The following SHPRH variants were observed in gnomAD, a reference collection of about 807,000 sequenced individuals.
SHPRH encodes the protein SNF2 histone linker PHD RING helicase.
In SHPRH, 106 loss-of-function variants were observed where a neutral mutation model predicts 202.5. That is an observed-to-expected ratio of 0.52 (90% CI 0.45 to 0.62). The LOEUF is 0.62. Ranked by LOEUF, SHPRH falls within the 20% of genes least tolerant of loss-of-function variation. The probability of loss-of-function intolerance (pLI) is 0.00; values close to 1 mark genes in which losing one functional copy is unlikely to be tolerated. For synonymous variants in SHPRH, 729 were observed against 686.0 expected, an observed-to-expected ratio of 1.06 and a Z score of -0.98; for missense variants, 1,710 against 2,020.0, an observed-to-expected ratio of 0.85 and a Z score of 2.94.
chr6:145,944,400 T>C (rs1370146174), intron 8 of SHPRH, among the ~76,000 whole-genome samples: 3 of 152,024 alleles, frequency 2.0e-5, no homozygotes, highest in African/African-American at 7.2e-5. Context: ...AAAAGTAAAA[T>C]GATGCTATGG....
chr6:145,882,252 C>T (rs768226894), downstream of SHPRH, among the ~76,000 whole-genome samples: 17 of 152,140 alleles, frequency 1.1e-4, no homozygotes, highest in Non-Finnish European at 1.9e-4. Context: ...CTTGAGTCAT[C>T]ATTAACAACT....
intron 25 of SHPRH, chr6:145,910,243 T>C (rs1446856803): frequency 1.9e-6 from 1 of 540,356 alleles, no homozygotes. Context: ...TCGCTAACCA[T>C]GTTTGAATAA....
chr6:145,910,511 G>T lies in SHPRH; in HGVS notation c.4452C>A (p.His1484Gln). The T allele has an allele frequency of 6.2e-7, 1 of 1,613,098 alleles. No individual in the cohort carries two copies. The highest frequency in any genetic ancestry group is 8.5e-7 in the Non-Finnish European group (1 of 1,179,570). Residue 1484 changes from histidine to glutamine, a missense_variant, in exon 25 of 30, where the codon CAC becomes CAA. Transcript: ENST00000275233. ...KCAICRQTTS[H>Q]KEISYVFTSE... ...AGGTAAAGACATACGAGATTTCTTTGTGAGATGTGGTCTGGCGGCAGATTG... is the reference window on the plus strand; with the variant it reads ...AGGTAAAGACATACGAGATTTCTTTTTGAGATGTGGTCTGGCGGCAGATTG...
chr6:145,909,000 A>G (rs58859911), intron 25 of SHPRH: 4 of 152,182 alleles, frequency 2.6e-5, no homozygotes, highest in East Asian at 1.9e-4. Flanking sequence ...CATTTACCCA[A>G]TAGGATCCTT....
At chr6:145,928,174 T>C (rs1164372051) in intron 14 of SHPRH, among the ~76,000 whole-genome samples, 1 of 152,000 alleles carries the variant, frequency 6.6e-6, no homozygotes, top group Non-Finnish European at 1.5e-5. Context: ...GCCAAGCTGA[T>C]AGTTGCGCAG....
At chr6:145,878,517 TG>T (rs1390369951) in intron 2 of SHPRH, among the ~76,000 whole-genome samples, 1 of 152,226 alleles carries the variant, frequency 6.6e-6, no homozygotes, top group Non-Finnish European at 1.5e-5. Flanking sequence ...CTAAAGCTGT[TG>T]ATCATCTTTT....
Position 145,948,293 on chromosome 6 carries a change from T to C in SHPRH, c.1040A>G (p.Tyr347Cys), listed in dbSNP as rs761727189. 27 of 1,602,600 alleles carry C rather than the reference T, an allele frequency of 1.7e-5. 1 individual carries two copies. The highest frequency in any genetic ancestry group is 1.6e-4 in the South Asian group (14 of 88,174). Residue 347 changes from tyrosine (Y) to cysteine (C), a missense_variant, in exon 5 of 30, where the codon TAC (tyrosine) becomes TGC (cysteine). Transcript: ENST00000275233. ...TTACCAGCCTGTATATGGATTATAGTAGAGTTTCAGACCCTCAGATGTAAC... is the reference window on the plus strand; with the variant it reads ...TTACCAGCCTGTATATGGATTATAGCAGAGTTTCAGACCCTCAGATGTAAC... The part of the protein sequence containing the change: ...EIVTSEGLKL[Y>C]YNPYTGCIIR...
At chr6:145,940,638 G>A in intron 11 of SHPRH, 85 bp downstream of exon 11, 1 of 1,331,238 alleles carries the variant, frequency 7.5e-7, no homozygotes, top group Non-Finnish European at 1.1e-6. Flanking sequence ...AGGGACTGCA[G>A]CAAAGGTTAA....
chr6:145,926,385 ACAC>A, intron 15 of SHPRH, 89 bp from the exon 16 acceptor site: 2 of 1,043,552 alleles, frequency 1.9e-6, no homozygotes, highest in East Asian at 2.4e-5. Flanking sequence ...CAGAACACTA[ACAC>A]CACATTAAGA....
At chr6:145,904,084 C>T (rs1415681888) in intron 25 of SHPRH, 1 of 151,962 alleles carries the variant, frequency 6.6e-6, no homozygotes, top group Admixed American at 6.6e-5. Flanking sequence ...TCTCTTATTT[C>T]CAAGAAATAC....
chr6:145,898,671 T>C (rs1197039286), intron 25 of SHPRH, among the ~76,000 whole-genome samples: 1 of 152,044 alleles, frequency 6.6e-6, no homozygotes, highest in Non-Finnish European at 1.5e-5. Flanking sequence ...TGTTATAAGT[T>C]TCCTCCTCCT....
intron 11 of SHPRH, among the ~76,000 whole-genome samples, chr6:145,936,304 A>G (rs1361418963): frequency 6.6e-6 from 1 of 152,030 alleles, no homozygotes; most frequent in Non-Finnish European, 1.5e-5. Context: ...AAGATCTTCA[A>G]ATGAAGACTA....
chr6:145,862,838 G>A (rs1054195840), downstream of SHPRH: 3 of 152,160 alleles, frequency 2.0e-5, no homozygotes, highest in Admixed American at 1.3e-4. Context: ...ATTCTCATAA[G>A]TGTCTTAGAA....
At chr6:145,948,230 T>C (rs1787599770) in intron 5 of SHPRH, 42 bp downstream of exon 5, 1 of 1,420,186 alleles carries the variant, frequency 7.0e-7, no homozygotes, top group Non-Finnish European at 9.6e-7. Context: ...TTTCATTATA[T>C]TTATTTTTTA....
chr6:145,954,560 TAA>T (rs1788303108), intron 2 of SHPRH, 128 bp downstream of exon 2: 1 of 954,324 alleles, frequency 1.0e-6, no homozygotes, highest in Non-Finnish European at 1.5e-6. Context: ...ATTAAAAGCT[TAA>T]AGTGTACTTT....
At chr6:145,891,851 A>C (rs1781594881) in intron 28 of SHPRH, among the ~76,000 whole-genome samples, 2 of 152,192 alleles carry the variant, frequency 1.3e-5, no homozygotes, top group African/African-American at 4.8e-5. Flanking sequence ...ATATGAGACT[A>C]GTCCAGCCTA....
At chr6:145,868,711 A>G (rs1583252589) in intron 2 of SHPRH, among the ~76,000 whole-genome samples, 1 of 152,274 alleles carries the variant, frequency 6.6e-6, no homozygotes, top group Non-Finnish European at 1.5e-5. Context: ...ATTCAATCTG[A>G]AGCTGAAGAA....
intron 22 of SHPRH, chr6:145,918,641 GAAT>G (rs1238374434): frequency 6.5e-6 from 1 of 153,070 alleles, no homozygotes; most frequent in Non-Finnish European, 1.5e-5. Flanking sequence ...CCCCCTGGTA[GAAT>G]ACAGCAGACA....
intron 21 of SHPRH, 39 bp downstream of exon 21, chr6:145,921,128 G>A (rs776111141): frequency 1.3e-6 from 2 of 1,547,690 alleles, no homozygotes; most frequent in Non-Finnish European, 1.8e-6. Context: ...TAAAAAAGAA[G>A]AATTTTTAAT....
Sources: allele counts gnomAD v4.1 joint callset (sites outside exome capture counted in the v4.1 genomes callset), GRCh38; gene constraint gnomAD v4.1.1; transcripts MANE v1.5; gene names NCBI Gene and HGNC (gene_info 2026-07-23, HGNC 2026-07-21).